NCKAP5: variants seen among roughly 807,000 people sequenced by gnomAD.
NCKAP5 encodes the protein NCK associated protein 5.
Under a neutral mutation model 167.0 loss-of-function variants are expected in NCKAP5, and 92 were observed. That is an observed-to-expected ratio of 0.55 (90% CI 0.47 to 0.66). The LOEUF is 0.66. Among genes scored for constraint, NCKAP5 ranks in the 30% least tolerant of loss-of-function variants. The probability of loss-of-function intolerance (pLI) is 0.00; values close to 1 mark genes in which losing one functional copy is unlikely to be tolerated. For missense variants in NCKAP5, 2,378 were observed against 2,315.0 expected (o/e 1.03, Z -0.56); for synonymous variants, 891 against 877.4 (o/e 1.02, Z -0.27).
At chr2:133,573,534 C>T in the NCKAP5 span, among the ~76,000 whole-genome samples, 4 of 152,080 alleles carry the variant, frequency 2.6e-5, no homozygotes, top group African/African-American at 9.7e-5. Context: ...CCCACCATCC[C>T]TTTGCTTTTT....
At chr2:133,125,162 A>G (rs149108704) in intron 6 of NCKAP5, among the ~76,000 whole-genome samples, 39 of 151,722 alleles carry the variant, frequency 2.6e-4, no homozygotes, top group Non-Finnish European at 4.0e-4. Flanking sequence ...TGAAATTGGT[A>G]CTCTGTAGAG....
intron 13 of NCKAP5, among the ~76,000 whole-genome samples, chr2:132,787,026 G>A (rs1030055835): frequency 4.6e-5 from 7 of 152,162 alleles, no homozygotes; most frequent in African/African-American, 1.7e-4. Context: ...TACTTGCAGA[G>A]TTTAGGGGGC....
intron 12 of NCKAP5, among the ~76,000 whole-genome samples, chr2:132,795,839 C>CAAA (rs1246383506): frequency 9.0e-6 from 1 of 110,674 alleles, no homozygotes; most frequent in Admixed American, 9.8e-5. Flanking sequence ...AAAAAAAAAA[C>CAAA]AAAAAAAACA....
chr2:132,895,820 AAAAAAAAAAAAAAC>A (rs1422492979), intron 8 of NCKAP5, among the ~76,000 whole-genome samples: 6 of 146,686 alleles, frequency 4.1e-5, no homozygotes, highest in African/African-American at 1.6e-4. Context: ...AGGACTCAAA[AAAAAAAAAAAAAAC>A]AAAAAAAAAA....
chr2:133,625,935 C>T, the NCKAP5 span, among the ~76,000 whole-genome samples: 1 of 150,918 alleles, frequency 6.6e-6, no homozygotes, highest in Non-Finnish European at 1.5e-5. Flanking sequence ...TTTAAATACA[C>T]AAGTTCATAA....
intron 16 of NCKAP5, among the ~76,000 whole-genome samples, chr2:132,749,447 AC>A (rs1346647712): frequency 6.6e-6 from 1 of 152,026 alleles, no homozygotes; most frequent in Non-Finnish European, 1.5e-5. Context: ...CAAGCCATCC[AC>A]CCGCCTTGGC....
intron 6 of NCKAP5, among the ~76,000 whole-genome samples, chr2:133,031,421 A>G (rs771393374): frequency 2.6e-5 from 4 of 152,198 alleles, no homozygotes; most frequent in Non-Finnish European, 4.4e-5. Context: ...CCTCAGCCAG[A>G]GGGGAATCAC....
intron 11 of NCKAP5, among the ~76,000 whole-genome samples, chr2:132,819,383 T>C (rs1437112852): frequency 1.3e-5 from 2 of 152,240 alleles, no homozygotes; most frequent in African/African-American, 4.8e-5. Context: ...CTGTTATGTA[T>C]TGTTGCAATC....
chr2:133,494,287 T>C (rs1310636898), intron 3 of NCKAP5, among the ~76,000 whole-genome samples: 2 of 152,340 alleles, frequency 1.3e-5, no homozygotes, highest in Non-Finnish European at 1.5e-5. Context: ...TTCTGTCTTA[T>C]ACAAAACCTT....
chr2:133,589,643 G>T, the NCKAP5 span, among the ~76,000 whole-genome samples: 1 of 152,184 alleles, frequency 6.6e-6, no homozygotes, highest in African/African-American at 2.4e-5. Flanking sequence ...CAGACAGTGA[G>T]GTAATGTTCA....
At chr2:133,625,102 A>G in the NCKAP5 span, among the ~76,000 whole-genome samples, 2 of 152,220 alleles carry the variant, frequency 1.3e-5, no homozygotes, top group Admixed American at 6.5e-5. Flanking sequence ...TTGGTATTAC[A>G]TGGTTGCTAT....
intron 3 of NCKAP5, among the ~76,000 whole-genome samples, chr2:133,497,574 C>T (rs1470435535): frequency 6.6e-6 from 1 of 152,140 alleles, no homozygotes; most frequent in Non-Finnish European, 1.5e-5. Flanking sequence ...CTTCACTTTC[C>T]AAGACATTCC....
chr2:133,525,692 T>C (rs1278816775), intron 2 of NCKAP5, among the ~76,000 whole-genome samples: 2 of 152,204 alleles, frequency 1.3e-5, no homozygotes, highest in Non-Finnish European at 2.9e-5. Flanking sequence ...TCAACCCTTC[T>C]AATACCAATA....
At chr2:133,372,373 C>A (rs568911132) in intron 3 of NCKAP5, among the ~76,000 whole-genome samples, 1 of 152,118 alleles carries the variant, frequency 6.6e-6, no homozygotes, top group Non-Finnish European at 1.5e-5. Flanking sequence ...GATTTTATCC[C>A]ATGGGAAAAA....
At chr2:133,508,097 AG>A (rs1183454829) in intron 3 of NCKAP5, among the ~76,000 whole-genome samples, 1 of 152,190 alleles carries the variant, frequency 6.6e-6, no homozygotes, top group Non-Finnish European at 1.5e-5. Flanking sequence ...AGGAGTCAGG[AG>A]GGGTGGTCAG....
At chr2:133,395,450 G>A (rs976199099) in intron 3 of NCKAP5, among the ~76,000 whole-genome samples, 3 of 152,048 alleles carry the variant, frequency 2.0e-5, no homozygotes, top group Admixed American at 2.0e-4. Context: ...GTTACCACTC[G>A]GCCTTAACAT....
intron 6 of NCKAP5, among the ~76,000 whole-genome samples, chr2:133,004,258 G>A (rs888587087): frequency 6.6e-6 from 1 of 152,090 alleles, no homozygotes; most frequent in Non-Finnish European, 1.5e-5. Context: ...TGCACAACAG[G>A]TCTACAAAAT....
chr2:132,918,579 A>G (rs937555599), intron 8 of NCKAP5, among the ~76,000 whole-genome samples: 8 of 152,328 alleles, frequency 5.3e-5, no homozygotes, highest in African/African-American at 1.4e-4. Flanking sequence ...GATTATAATG[A>G]TGATGACATT....
chr2:133,087,143 C>G (rs2081020234), intron 6 of NCKAP5, among the ~76,000 whole-genome samples: 1 of 152,082 alleles, frequency 6.6e-6, no homozygotes, highest in South Asian at 2.1e-4. Context: ...CCTTCTGATA[C>G]CAAGTTCCAT....
Sources: allele counts gnomAD v4.1 joint callset (sites outside exome capture counted in the v4.1 genomes callset), GRCh38; gene constraint gnomAD v4.1.1; transcripts MANE v1.5; gene names NCBI Gene and HGNC (gene_info 2026-07-23, HGNC 2026-07-21).